The following PDHA1 variants were observed in gnomAD, a reference collection of about 807,000 sequenced individuals.
PDHA1 encodes pyruvate dehydrogenase E1 component subunit alpha, somatic form, mitochondrial.
A neutral mutation model predicts 33.0 loss-of-function variants in PDHA1; 1 was observed. That is an observed-to-expected ratio of 0.03 (90% CI 0.01 to 0.14). The LOEUF (loss-of-function observed/expected upper bound fraction) is 0.14, where lower values mean the gene tolerates loss of function less well. Ranked by LOEUF, PDHA1 falls within the 10% of genes least tolerant of loss-of-function variation. The pLI is 1.00. For missense variants in PDHA1, 168 were observed against 325.1 expected (o/e 0.52, Z 3.72); for synonymous variants, 123 against 119.2 (o/e 1.03, Z -0.21).
intron 9 of PDHA1, among the ~76,000 whole-genome samples, chrX:19,358,516 T>G (rs779157273): frequency 2.0e-4 from 22 of 111,243 alleles, no homozygotes; most frequent in Non-Finnish European, 3.6e-4. Context: ...ACACACACCA[T>G]CTCTGCTGTC....
intron 8 of PDHA1, among the ~76,000 whole-genome samples, chrX:19,356,773 G>T (rs2063203408): frequency 1.1e-5 from 1 of 89,900 alleles, no homozygotes; most frequent in Admixed American, 1.0e-4. Flanking sequence ...TGCAGACAAG[G>T]AAACTGAGCC....
At chrX:19,345,572 T>TAAAA (rs11318265) in intron 1 of PDHA1, among the ~76,000 whole-genome samples, 4 of 30,262 alleles carry the variant, frequency 1.3e-4, no homozygotes, top group East Asian at 1.6e-3. Context: ...CTCCGTATTT[T>TAAAA]AAAAAAAAAA....
Position 19,350,117 on chromosome X carries a change from G to A in PDHA1, c.291+7G>A. On this transcript the variant is annotated splice_region_variant and intron_variant, in intron 3 of 10. Transcript: ENST00000422285. ...TCACTTGTGTGATGGTCAGGTGAGT[G>A]GTAGGTTTGTGGTGGAACTGTGTTA... The A allele has an allele frequency of 8.4e-7, 1 of 1,185,568 alleles. No homozygotes were observed. The highest frequency in any genetic ancestry group is 1.1e-6 in the Non-Finnish European group (1 of 871,442).
Position 19,360,639 on chromosome X carries a change from A to G in PDHA1, c.*986A>G. 2 of 570,631 alleles carry G rather than the reference A, an allele frequency of 3.5e-6. No homozygotes were observed. Among genetic ancestry groups the G allele is most frequent in the African/African-American group, 2.3e-5 (1 of 43,729 alleles). 47.0% of individuals were successfully genotyped at this position (570,631 alleles called of 1,213,427 possible). The stretch of plus-strand genomic sequence containing the variant: ...AAGTTCTTAAACTATTAATTGAACA[A>G]TGGCATTTTTAAATATGTAAACACA... On this transcript the variant is annotated 3_prime_UTR_variant, in exon 11 of 11. Transcript: ENST00000422285.
rs181554208 is a variant in PDHA1 at position 19,361,672 on chromosome X, T to C, written c.*2019T>C. 35 of 676,555 alleles carry C rather than the reference T, an allele frequency of 5.2e-5. No homozygotes were observed. The Admixed American group carries it at 6.5e-4, about 13-fold the overall frequency. The allele number at this position is 676,555 out of a possible 1,213,427, so 55.8% of individuals were successfully genotyped here. A position where few individuals can be genotyped will look rare whatever the true frequency, so the allele number is the denominator to read the frequency against. On this transcript the variant is annotated 3_prime_UTR_variant, in exon 11 of 11. Transcript: ENST00000422285. ...AGTAACCAGTTGGATTAATAAATGA[T>C]TCCAGAATGTAAATGTGATGTGAAA...
Position 19,361,416 on chromosome X carries a change from C to T in PDHA1, c.*1763C>T, listed in dbSNP as rs780260798. The T allele has an allele frequency of 1.7e-5, 20 of 1,204,886 alleles. No homozygotes were observed. In the South Asian group the frequency reaches 3.2e-4, roughly 19 times the overall value. Reference sequence around the variant, plus strand: ...AAAGTGTATAACCCTCTTCAACAATCTGAAACAAAGATCAGATCCTTAAGA... The same window carrying T: ...AAAGTGTATAACCCTCTTCAACAATTTGAAACAAAGATCAGATCCTTAAGA... On this transcript the variant is annotated 3_prime_UTR_variant, in exon 11 of 11. Coordinates refer to ENST00000422285, the MANE Select transcript of PDHA1 (RefSeq NM_000284.4).
intron 1 of PDHA1, chrX:19,345,711 T>G: frequency 3.9e-6 from 1 of 259,349 alleles, no homozygotes; most frequent in South Asian, 4.1e-5. Context: ...CTTCTGCAAG[T>G]CAGGTTCATT....
rs1344127743 is a variant in PDHA1 at position 19,360,707 on chromosome X, G to A, written c.*1054G>A. The A allele has an allele frequency of 7.8e-6, 8 of 1,024,085 alleles. No homozygotes were observed. Among genetic ancestry groups the A allele is most frequent in the Non-Finnish European group, 1.1e-5 (8 of 730,154 alleles). 84.4% of individuals were successfully genotyped at this position (1,024,085 alleles called of 1,213,427 possible). On this transcript the variant is annotated 3_prime_UTR_variant, in exon 11 of 11. Transcript: ENST00000422285. The stretch of plus-strand genomic sequence containing the variant: ...ACTAACAGAAGCTTTAACAAAACAT[G>A]TAGCGTGGTGGGACACTCTGCCACA...
At chrX:19,359,438 CCTA>C in intron 10 of PDHA1, 48 bp from the exon 11 acceptor site, 1 of 1,062,047 alleles carries the variant, frequency 9.4e-7, no homozygotes, top group Non-Finnish European at 1.3e-6. Context: ...CTAGTTGGTA[CCTA>C]AGCTGCTGTT....
At position 19,354,250 on chromosome X, in the gene PDHA1, T is replaced by C. The variant is rs774481951; in HGVS notation, c.511-241T>C. ...CCGGCCAGGTTTTATTTTTTAACTCTTGAATGCAGAAATGTTAGTGCTTAC... is the reference window on the plus strand; with the variant it reads ...CCGGCCAGGTTTTATTTTTTAACTCCTGAATGCAGAAATGTTAGTGCTTAC... On this transcript the variant is annotated intron_variant, in intron 5 of 10. Transcript: ENST00000422285. 2.7e-5 allele frequency among the ~76,000 whole-genome samples: 3 copies of C among 113,011 alleles called. No individual in the cohort carries two copies. In the East Asian group the frequency reaches 8.3e-4, roughly 31 times the overall value.
At chrX:19,353,347 G>A in intron 5 of PDHA1, 174 bp downstream of exon 5, 1 of 491,022 alleles carries the variant, frequency 2.0e-6, no homozygotes, top group Non-Finnish European at 3.7e-6. Context: ...TAATGGAGCT[G>A]AAAAATTCCT....
chrX:19,359,140 A>AATAGTTCCGTAGTTCC (rs1555935314), intron 10 of PDHA1, 116 bp downstream of exon 10: 40 of 526,033 alleles, frequency 7.6e-5, no homozygotes, highest in Non-Finnish European at 4.8e-5. Flanking sequence ...CTGGGACATA[A>AATAGTTCCGTAGTTCC]ATAGTTCCAT....
Position 19,356,970 on chromosome X carries a change from T to C in PDHA1, c.832-682T>C, listed in dbSNP as rs973324386. On this transcript the variant is annotated intron_variant, in intron 8 of 10. Coordinates refer to ENST00000422285, the MANE Select transcript of PDHA1 (RefSeq NM_000284.4). ...ACTGTCCAGACTCCCAGCAGAGCCT[T>C]GGGGTTTGGGTAGCAGAGGTTGTTG... 2.7e-5 allele frequency among the ~76,000 whole-genome samples: 3 copies of C among 111,699 alleles called. No homozygotes were observed. In the Admixed American group the frequency reaches 2.9e-4, roughly 11 times the overall value.
At position 19,349,921 on chromosome X, in the gene PDHA1, C is replaced by T. The variant is rs1202434781; in HGVS notation, c.118-16C>T. 1.7e-6 allele frequency: 2 copies of T among 1,192,160 alleles called. No homozygotes were observed. The highest frequency in any genetic ancestry group is 5.9e-5 in the East Asian group (2 of 33,802). On this transcript the variant is annotated splice_polypyrimidine_tract_variant and intron_variant, in intron 2 of 10. Transcript: ENST00000422285. ...TGTAGTATGTGGAGGATAATAACTA[C>T]CTTATTCCATTTCAGAAATGTGACC... is the stretch of plus-strand genomic sequence containing the variant.
chrX:19,358,754 G>A (rs1419609385), intron 9 of PDHA1, among the ~76,000 whole-genome samples, 162 bp from the exon 10 acceptor site: 2 of 111,686 alleles, frequency 1.8e-5, no homozygotes, highest in Non-Finnish European at 1.9e-5. Flanking sequence ...ACTCTGCCAC[G>A]CCTATAGTGA....
At chrX:19,348,171 A>G (rs1212036353) in intron 1 of PDHA1, among the ~76,000 whole-genome samples, 1 of 112,677 alleles carries the variant, frequency 8.9e-6, no homozygotes, top group Non-Finnish European at 1.9e-5. Flanking sequence ...GTATGATAAT[A>G]CTACTGGATA....
chrX:19,345,758 G>A (rs201567280), intron 1 of PDHA1: 7 of 91,478 alleles, frequency 7.7e-5, no homozygotes, highest in East Asian at 7.8e-4. Flanking sequence ...CCCCCCCCCC[G>A]CCACCTTACA....
At chrX:19,353,429 C>T in intron 5 of PDHA1, 8 of 412,166 alleles carry the variant, frequency 1.9e-5, no homozygotes, top group Non-Finnish European at 3.4e-5. Context: ...ATTTTGCCTA[C>T]AGGATTCAGT....
chrX:19,359,851 G>C lies in PDHA1; in HGVS notation c.*198G>C, dbSNP rs1003909173. 1 of 464,761 alleles carries C rather than the reference G, an allele frequency of 2.2e-6. No individual in the cohort carries two copies. The highest frequency in any genetic ancestry group is 3.8e-6 in the Non-Finnish European group (1 of 263,036). 38.3% of individuals were successfully genotyped at this position (464,761 alleles called of 1,213,427 possible). A position where few individuals can be genotyped will look rare whatever the true frequency, so the allele number is the denominator to read the frequency against. On this transcript the variant is annotated 3_prime_UTR_variant, in exon 11 of 11. Transcript: ENST00000422285. ...AAAGATGAATTATTGAGTGCTTAAA[G>C]ATTATTTTTGACTTAAAATAGTATA...
Sources: allele counts gnomAD v4.1 joint callset (sites outside exome capture counted in the v4.1 genomes callset), GRCh38; gene constraint gnomAD v4.1.1; transcripts MANE v1.5; gene names NCBI Gene and HGNC (gene_info 2026-07-23, HGNC 2026-07-21).